The following MYBL2 variants were observed in gnomAD, a reference collection of about 807,000 sequenced individuals.
The protein encoded by MYBL2 is myb-related protein B.
MYBL2 carries 28 observed loss-of-function variants against 79.9 expected under a neutral mutation model. That is an observed-to-expected ratio of 0.35 (90% CI 0.26 to 0.48). MYBL2 has a LOEUF of 0.48. Among genes scored for constraint, MYBL2 ranks in the 20% least tolerant of loss-of-function variants. The pLI, the probability that MYBL2 is intolerant of heterozygous loss-of-function variation, is 0.99. For synonymous variants in MYBL2, 378 were observed against 361.2 expected (o/e 1.05, Z -0.53); for missense variants, 735 against 893.9 (o/e 0.82, Z 2.27).
rs562862658 is a variant in MYBL2 at position 43,675,177 on chromosome 20, G to A, written c.114+1278G>A. On this transcript the variant is annotated intron_variant, in intron 2 of 13. Transcript: ENST00000217026. ...GTATTTTTTGTAGAGACAGGGTCTC[G>A]CCATGTTGCCCAGGCTGGTCTCAAA... Among the ~76,000 whole-genome samples the A allele has an allele frequency of 1.9e-3, 294 of 151,428 alleles. 1 individual carries two copies. The highest frequency in any genetic ancestry group is 6.6e-3 in the African/African-American group (274 of 41,258).
At chr20:43,683,906 T>C (rs930101199) in intron 4 of MYBL2, among the ~76,000 whole-genome samples, 1 of 152,020 alleles carries the variant, frequency 6.6e-6, no homozygotes, top group African/African-American at 2.4e-5. Flanking sequence ...CTTACTCTGT[T>C]GCACTGGCTG....
chr20:43,681,633 C>A, intron 2 of MYBL2, 151 bp from the exon 3 acceptor site: 1 of 742,554 alleles, frequency 1.3e-6, no homozygotes, highest in Non-Finnish European at 2.3e-6. Flanking sequence ...CTGCCTGCTG[C>A]TGCAGCTGTA....
chr20:43,710,946 GC>G (rs1231045538), intron 10 of MYBL2, among the ~76,000 whole-genome samples: 3 of 152,204 alleles, frequency 2.0e-5, no homozygotes, highest in African/African-American at 7.2e-5. Context: ...GTTTGTGGGG[GC>G]TTTTCGGATG....
At chr20:43,682,371 A>T (rs1987164482) in intron 3 of MYBL2, among the ~76,000 whole-genome samples, 1 of 152,130 alleles carries the variant, frequency 6.6e-6, no homozygotes, top group Non-Finnish European at 1.5e-5. Flanking sequence ...GAGCTGCCAT[A>T]TGTCTTACTG....
At chr20:43,690,597 T>C (rs2145720464) in intron 5 of MYBL2, among the ~76,000 whole-genome samples, 1 of 152,290 alleles carries the variant, frequency 6.6e-6, no homozygotes, top group East Asian at 1.9e-4. Flanking sequence ...CCAGTGAGCA[T>C]TGTGTCCCTG....
At chr20:43,685,828 G>C (rs1478023081) in intron 4 of MYBL2, among the ~76,000 whole-genome samples, 2 of 151,800 alleles carry the variant, frequency 1.3e-5, no homozygotes, top group East Asian at 3.9e-4. Flanking sequence ...ACCTGAGGTC[G>C]GGAGTTCAAG....
intron 7 of MYBL2, 98 bp downstream of exon 7, chr20:43,700,142 G>A (rs368992092): frequency 7.5e-6 from 11 of 1,463,360 alleles, no homozygotes; most frequent in Non-Finnish European, 1.0e-5. Flanking sequence ...CCATCGCCCT[G>A]CTAACAGTTA....
In MYBL2 at chr20:43,711,383, G is replaced by A. The variant is rs1987901880; in HGVS notation, c.1606-105G>A. 3 of 772,368 alleles carry A rather than the reference G, an allele frequency of 3.9e-6. No homozygotes were observed. The Admixed American group carries it at 7.4e-5, about 19-fold the overall frequency. The allele number at this position is 772,368 out of a possible 1,614,324, so 47.8% of individuals were successfully genotyped here. A position where few individuals can be genotyped will look rare whatever the true frequency, so the allele number is the denominator to read the frequency against. ...CATCCTGGCGTCAGGCCTCCTTCCT[G>A]CCTTACCCAGGACAGCCCAGTTGCA... On this transcript the variant is annotated intron_variant, in intron 10 of 13. Coordinates refer to ENST00000217026, the MANE Select transcript of MYBL2 (RefSeq NM_002466.4).
chr20:43,694,699 G>A (rs183480372), intron 6 of MYBL2, among the ~76,000 whole-genome samples: 41 of 152,272 alleles, frequency 2.7e-4, no homozygotes, highest in African/African-American at 9.9e-4. Context: ...AAAGTAAAAC[G>A]ACTTCTTTTT....
At chr20:43,692,114 C>T (rs776443180) in intron 5 of MYBL2, 43 bp from the exon 6 acceptor site, 2 of 1,590,990 alleles carry the variant, frequency 1.3e-6, no homozygotes, top group Non-Finnish European at 1.7e-6. Context: ...TGGCACCCCA[C>T]CCACAGAGCT....
At chr20:43,694,541 C>T (rs1392782746) in intron 6 of MYBL2, among the ~76,000 whole-genome samples, 2 of 152,092 alleles carry the variant, frequency 1.3e-5, no homozygotes, top group African/African-American at 4.8e-5. Flanking sequence ...TTGACAGTTA[C>T]AATTCTTCCA....
rs1360217221 is a variant in MYBL2 at position 43,715,192 on chromosome 20, A to G, written c.1883A>G (p.Asn628Ser). ...ACCCTGTCAGGTATCAAAGAAGACA[A>G]CAGCTTGCTCAACCAGGGCTTCTTG... ...SLTLSGIKED[N>S]SLLNQGFLQA... The change falls in exon 13 of 14, where the codon AAC (asparagine) becomes AGC (serine). Residue 628 changes from asparagine (N) to serine (S), a missense_variant. Physicochemically the swap from Asn to Ser is conservative, Grantham distance 46. Around this residue, in one of 5 missense-constraint regions of MYBL2, gnomAD observed 204 missense variants for 202.9 expected, o/e 1.01. Coordinates refer to ENST00000217026, the MANE Select transcript of MYBL2 (RefSeq NM_002466.4). 6.2e-7 allele frequency: 1 copy of G among 1,614,116 alleles called. No homozygotes were observed. The highest frequency in any genetic ancestry group is 8.5e-7 in the Non-Finnish European group (1 of 1,180,058).
intron 6 of MYBL2, among the ~76,000 whole-genome samples, chr20:43,692,594 G>C (rs978719685): frequency 6.6e-6 from 1 of 152,094 alleles, no homozygotes; most frequent in Non-Finnish European, 1.5e-5. Flanking sequence ...CTTCTTACCT[G>C]TTGCTCATTT....
intron 5 of MYBL2, 134 bp downstream of exon 5, chr20:43,687,206 C>G (rs1243011752): frequency 6.7e-6 from 6 of 891,998 alleles, no homozygotes; most frequent in Non-Finnish European, 1.0e-5. Context: ...CTCCAGGGCT[C>G]CCAGAGGCAT....
chr20:43,697,164 C>A (rs928286224), intron 6 of MYBL2, among the ~76,000 whole-genome samples: 1 of 152,068 alleles, frequency 6.6e-6, no homozygotes, highest in Non-Finnish European at 1.5e-5. Flanking sequence ...TTGTTTCCAG[C>A]CTTATTGTCA....
intron 5 of MYBL2, among the ~76,000 whole-genome samples, chr20:43,688,780 C>T (rs1355810410): frequency 1.3e-5 from 2 of 151,774 alleles, no homozygotes; most frequent in Non-Finnish European, 2.9e-5. Context: ...CAATAGCTTA[C>T]TTCTCTGTCA....
intron 10 of MYBL2, 111 bp downstream of exon 10, chr20:43,710,173 C>A (rs1987874516): frequency 1.2e-6 from 1 of 853,696 alleles, no homozygotes; most frequent in Admixed American, 3.1e-5. Context: ...TTGATTCTTT[C>A]TCCTGAGAAG....
intron 4 of MYBL2, 77 bp from the exon 5 acceptor site, chr20:43,686,775 T>G: frequency 7.0e-7 from 1 of 1,430,032 alleles, no homozygotes; most frequent in Non-Finnish European, 9.7e-7. Flanking sequence ...ATGGCAAGGC[T>G]CAGGTGGATG....
intron 8 of MYBL2, among the ~76,000 whole-genome samples, chr20:43,704,034 C>T (rs1214195767): frequency 6.6e-6 from 1 of 152,128 alleles, no homozygotes; most frequent in East Asian, 1.9e-4. Flanking sequence ...GAGAGTCGCT[C>T]TGTTGCCCAG....
Sources: allele counts gnomAD v4.1 joint callset (sites outside exome capture counted in the v4.1 genomes callset), GRCh38; gene constraint gnomAD v4.1.1; regional missense constraint gnomAD v4.1.1; transcripts MANE v1.5; gene names NCBI Gene and HGNC (gene_info 2026-07-23, HGNC 2026-07-21).